Variants in CLDN14 observed in about 807,000 individuals in gnomAD.
CLDN14 encodes claudin-14.
A neutral mutation model predicts 2.1 loss-of-function variants in CLDN14; 2 were observed. The observed-to-expected ratio is 0.96, with a 90% confidence interval of 0.39 to 3.01. CLDN14 has a LOEUF of 3.01. CLDN14 is among the 30% of genes most tolerant of loss of function. The pLI, the probability that CLDN14 is intolerant of heterozygous loss-of-function variation, is 0.09. For missense variants in CLDN14, 298 were observed against 328.0 expected, an observed-to-expected ratio of 0.91 and a Z score of 0.71; for synonymous variants, 136 against 154.4, an observed-to-expected ratio of 0.88 and a Z score of 0.88.
intron 1 of CLDN14, among the ~76,000 whole-genome samples, chr21:36,553,655 A>G (rs2087578061): frequency 1.3e-5 from 2 of 151,924 alleles, no homozygotes; most frequent in African/African-American, 4.8e-5. Context: ...ACAGCCAAGC[A>G]GAAGACAGCT....
chr21:36,515,227 C>T (rs1013077989), intron 1 of CLDN14, among the ~76,000 whole-genome samples: 3 of 152,136 alleles, frequency 2.0e-5, no homozygotes, highest in Non-Finnish European at 2.9e-5. Flanking sequence ...AAAGAGTGAA[C>T]GCAGAGACTC....
At chr21:36,518,109 C>CACA (rs57527435) in intron 1 of CLDN14, among the ~76,000 whole-genome samples, 1 of 147,794 alleles carries the variant, frequency 6.8e-6, no homozygotes, top group African/African-American at 2.5e-5. Context: ...CACACACACA[C>CACA]GACCTGTTGG....
chr21:36,571,227 A>G (rs2087708371), intron 1 of CLDN14, among the ~76,000 whole-genome samples: 1 of 152,260 alleles, frequency 6.6e-6, no homozygotes, highest in Non-Finnish European at 1.5e-5. Flanking sequence ...GGCTTAGATT[A>G]GAAACAACTG....
chr21:36,492,944 C>T (rs2086982956), intron 2 of CLDN14, among the ~76,000 whole-genome samples: 2 of 152,180 alleles, frequency 1.3e-5, no homozygotes, highest in African/African-American at 4.8e-5. Context: ...CTCTGAGTCC[C>T]CCTCTCTGCC....
intron 1 of CLDN14, chr21:36,510,561 A>G (rs1476802146): frequency 6.6e-6 from 1 of 152,254 alleles, no homozygotes; most frequent in Non-Finnish European, 1.5e-5. Context: ...AGGAGCAGTT[A>G]CCTCTAGAGA....
At chr21:36,497,764 C>T (rs1366370457) in intron 2 of CLDN14, among the ~76,000 whole-genome samples, 1 of 152,162 alleles carries the variant, frequency 6.6e-6, no homozygotes, top group Non-Finnish European at 1.5e-5. Flanking sequence ...CTTGAGACAC[C>T]TGCGTGATCC....
intron 1 of CLDN14, among the ~76,000 whole-genome samples, chr21:36,538,560 G>C (rs2087450892): frequency 6.6e-6 from 1 of 152,124 alleles, no homozygotes; most frequent in Admixed American, 6.5e-5. Context: ...GTTGCAGTGA[G>C]CCGAGATCGC....
At chr21:36,516,943 C>G (rs962437476) in intron 1 of CLDN14, among the ~76,000 whole-genome samples, 1 of 152,196 alleles carries the variant, frequency 6.6e-6, no homozygotes, top group Non-Finnish European at 1.5e-5. Flanking sequence ...CGGGTTCAAG[C>G]GATTCTCCTG....
chr21:36,486,284 G>A lies in CLDN14; in HGVS notation c.-82+24079C>T, dbSNP rs762503090. The A allele has an allele frequency of 5.2e-5, 42 of 806,562 alleles. No individual in the cohort carries two copies. In the East Asian group the frequency reaches 8.6e-4, roughly 16 times the overall value. 50.0% of individuals were successfully genotyped at this position (806,562 alleles called of 1,614,324 possible). On this transcript the variant is annotated intron_variant, in intron 2 of 2. Coordinates refer to the CLDN14 transcript ENST00000342108. ...CCCTCTTCCTTAGGTCAGGAAGTCC[G>A]GTATGGCCAAACTCTTGTTGGCTAA... is the stretch of plus-strand genomic sequence containing the variant.
intron 2 of CLDN14, among the ~76,000 whole-genome samples, chr21:36,490,757 A>G (rs2086954329): frequency 6.6e-6 from 1 of 151,814 alleles, no homozygotes; most frequent in Non-Finnish European, 1.5e-5. Flanking sequence ...CTGGTCTCGA[A>G]CTCTTGGCCT....
chr21:36,463,215 C>A (rs1333159916), intron 1 of CLDN14, among the ~76,000 whole-genome samples: 3 of 152,332 alleles, frequency 2.0e-5, no homozygotes, highest in South Asian at 4.1e-4. Context: ...ACCTGGGGCT[C>A]AGCTTCTTTT....
At chr21:36,502,503 T>C (rs1307656566) in intron 2 of CLDN14, among the ~76,000 whole-genome samples, 11 of 152,216 alleles carry the variant, frequency 7.2e-5, no homozygotes, top group Admixed American at 7.2e-4. Flanking sequence ...TGCTTTCTTT[T>C]AGTGCATAGA....
At chr21:36,548,448 G>A (rs747531550) in intron 1 of CLDN14, among the ~76,000 whole-genome samples, 79 of 152,294 alleles carry the variant, frequency 5.2e-4, no homozygotes, top group Middle Eastern at 6.8e-3. Flanking sequence ...AAACAGCCCC[G>A]CCCCAGAGGC....
At position 36,565,518 on chromosome 21, in the gene CLDN14, G is replaced by A. The variant is rs143211629; in HGVS notation, c.-220+10893C>T. Among the ~76,000 whole-genome samples, 712 of 152,062 alleles carry A rather than the reference G, an allele frequency of 4.7e-3. 2 individuals are homozygous for A. The highest frequency in any genetic ancestry group is 8.1e-3 in the Non-Finnish European group (550 of 67,998). ...TTGTGCTGGTAAACTGGTTCTAAAA[G>A]TGGCAGAGTGCTGTATATAGCATTT... On this transcript the variant is annotated intron_variant, in intron 1 of 2. Coordinates refer to the CLDN14 transcript ENST00000342108.
At chr21:36,515,645 C>A (rs1601619679) in intron 1 of CLDN14, among the ~76,000 whole-genome samples, 1 of 149,722 alleles carries the variant, frequency 6.7e-6, no homozygotes, top group South Asian at 2.2e-4. Context: ...TGCACTCCAG[C>A]CTGGGTGACA....
chr21:36,523,832 A>T (rs987585592), intron 1 of CLDN14, among the ~76,000 whole-genome samples: 1 of 141,600 alleles, frequency 7.1e-6, no homozygotes. Context: ...AGAAAGAAAG[A>T]AAGAAAGAAA....
At chr21:36,557,643 C>A (rs1216764060) in intron 1 of CLDN14, among the ~76,000 whole-genome samples, 1 of 152,158 alleles carries the variant, frequency 6.6e-6, no homozygotes, top group East Asian at 1.9e-4. Context: ...ATTTGGTTTT[C>A]TGCTATTGGG....
chr21:36,493,965 C>T (rs1486166130), intron 2 of CLDN14, among the ~76,000 whole-genome samples: 1 of 152,166 alleles, frequency 6.6e-6, no homozygotes, highest in African/African-American at 2.4e-5. Context: ...CCACTTTTGC[C>T]AGGATGGGTT....
intron 1 of CLDN14, among the ~76,000 whole-genome samples, chr21:36,514,811 T>C (rs929993229): frequency 6.6e-6 from 1 of 152,040 alleles, no homozygotes; most frequent in African/African-American, 2.4e-5. Flanking sequence ...TCTCTTGCCT[T>C]GCCTCCAGCT....
Sources: gnomAD v4.1 joint callset for allele counts (sites outside exome capture counted in the v4.1 genomes callset) on GRCh38, gnomAD v4.1.1 for gene constraint, MANE v1.5 for transcripts, NCBI Gene and HGNC (gene_info 2026-07-23, HGNC 2026-07-21) for gene names.